The following ZEB2 variants were observed in gnomAD, a reference collection of about 807,000 sequenced individuals.
The protein encoded by ZEB2 is zinc finger E-box-binding homeobox 2.
Under a neutral mutation model 99.9 loss-of-function variants are expected in ZEB2, and 6 were observed. The ratio of observed to expected loss-of-function variants is 0.06; its 90% CI spans 0.03 to 0.12. ZEB2 has a LOEUF of 0.12. ZEB2 is among the 10% of genes least tolerant of loss of function. ZEB2 has a pLI of 1.00. For synonymous variants in ZEB2, 517 were observed against 542.5 expected (o/e 0.95, Z 0.65); for missense variants, 969 against 1,502.8 (o/e 0.64, Z 5.87).
chr2:144,440,530 T>A (rs1316579468), intron 2 of ZEB2, among the ~76,000 whole-genome samples: 1,230 of 52,030 alleles, frequency 0.024, 29 homozygotes, highest in African/African-American at 0.081. Flanking sequence ...TTTTTTTTTT[T>A]TTTTTTTTTT....
At chr2:144,517,888 G>T in intron 1 of ZEB2, 1 of 501,612 alleles carries the variant, frequency 2.0e-6, no homozygotes, top group Non-Finnish European at 3.5e-6. Flanking sequence ...ACAGCCCCTG[G>T]ATGAAGCACA....
chr2:144,428,697 A>C (rs1212173539), intron 3 of ZEB2: 2 of 152,076 alleles, frequency 1.3e-5, no homozygotes, highest in Non-Finnish European at 2.9e-5. Context: ...TTCGTAGTGG[A>C]AGTGCTTTTA....
At chr2:144,424,263 A>G (rs1337775247) in intron 4 of ZEB2, 5 of 438,948 alleles carry the variant, frequency 1.1e-5, no homozygotes, top group East Asian at 1.2e-4. Context: ...AACTGCCTGG[A>G]AAAAATTATT....
chr2:144,440,502 T>TAC (rs1560625095), intron 2 of ZEB2, among the ~76,000 whole-genome samples: 50 of 11,538 alleles, frequency 4.3e-3, no homozygotes, highest in African/African-American at 0.01. Context: ...TATATATATA[T>TAC]ATATATATAT....
intron 4 of ZEB2, among the ~76,000 whole-genome samples, chr2:144,414,919 A>C (rs1703517407): frequency 6.6e-6 from 1 of 151,488 alleles, no homozygotes; most frequent in Non-Finnish European, 1.5e-5. Flanking sequence ...TATGGGGGGA[A>C]GTCAGTTAAA....
chr2:144,392,806 G>C (rs1560603489), intron 9 of ZEB2, among the ~76,000 whole-genome samples: 1 of 152,148 alleles, frequency 6.6e-6, no homozygotes, highest in Non-Finnish European at 1.5e-5. Flanking sequence ...TTGATACTGA[G>C]TGAATCAAGC....
intron 7 of ZEB2, 110 bp downstream of exon 7, chr2:144,401,089 A>T (rs1703303678): frequency 3.1e-6 from 3 of 959,774 alleles, no homozygotes; most frequent in East Asian, 5.0e-5. Flanking sequence ...TGAAATAAAT[A>T]GATAGTTCCA....
intron 4 of ZEB2, among the ~76,000 whole-genome samples, chr2:144,413,567 A>G (rs190653296): frequency 3.3e-5 from 5 of 152,312 alleles, no homozygotes; most frequent in Admixed American, 2.0e-4. Context: ...AACTCAATGT[A>G]TGAAGTTAAC....
chr2:144,507,407 C>T (rs1263114780), intron 2 of ZEB2: 3 of 152,196 alleles, frequency 2.0e-5, no homozygotes, highest in Admixed American at 6.5e-5. Context: ...AGCTCCGTAT[C>T]GTCTTCTAGT....
chr2:144,399,551 C>T lies in ZEB2; in HGVS notation c.1636G>A (p.Asp546Asn), dbSNP rs754823896. 1.2e-6 allele frequency: 2 copies of T among 1,614,156 alleles called. No individual in the cohort carries two copies. The highest frequency in any genetic ancestry group is 1.7e-6 in the Non-Finnish European group (2 of 1,180,032). Residue 546 changes from aspartate (D) to asparagine (N), a missense_variant, in exon 8 of 10, where the codon GAC becomes AAC. Around this residue, in one of 8 missense-constraint regions of ZEB2, gnomAD observed 227 missense variants for 278.2 expected, o/e 0.82. Transcript: ENST00000627532. The surrounding 1 kb of genome is among the most constrained non-coding windows in gnomAD (Gnocchi z 5.6). The stretch of plus-strand genomic sequence containing the variant: ...ATATTACTGATCTGTCTCCTTGAGT[C>T]AGTAGTCAAGCTCTGGAGGCAAGCT... Reference protein sequence around the residue: ...AKACLQSLTTDSRRQISNIKK... With the variant: ...AKACLQSLTTNSRRQISNIKK...
chr2:144,477,592 T>G (rs527267102), intron 2 of ZEB2, among the ~76,000 whole-genome samples: 22 of 152,356 alleles, frequency 1.4e-4, no homozygotes, highest in Non-Finnish European at 2.4e-4. Context: ...ACCCTCTTTT[T>G]GTGTGTGTGG....
intron 2 of ZEB2, 44 bp from the exon 3 acceptor site, chr2:144,430,070 G>A: frequency 6.2e-7 from 1 of 1,607,424 alleles, no homozygotes. Context: ...ACTCTGTTGA[G>A]AAACATCAGC....
intron 2 of ZEB2, among the ~76,000 whole-genome samples, chr2:144,471,792 T>G (rs78569767): frequency 6.8e-5 from 8 of 118,360 alleles, no homozygotes; most frequent in Admixed American, 4.8e-4. Flanking sequence ...ATCACTTGTG[T>G]TTTTTTTTTT....
chr2:144,400,787 A>G (rs1022646623), intron 7 of ZEB2, among the ~76,000 whole-genome samples: 2 of 152,230 alleles, frequency 1.3e-5, no homozygotes, highest in Admixed American at 6.5e-5. Flanking sequence ...GCCCTCAGGA[A>G]TCAGGGAGTA....
At chr2:144,405,048 ATGT>A (rs762958122) in intron 4 of ZEB2, 24 bp from the exon 5 acceptor site, 11 of 1,610,000 alleles carry the variant, frequency 6.8e-6, no homozygotes, top group Non-Finnish European at 9.3e-6. Flanking sequence ...AGGAGAAGAA[ATGT>A]TGTTTCCGGG....
At chr2:144,500,388 T>C (rs1321570123) in intron 2 of ZEB2, among the ~76,000 whole-genome samples, 1 of 152,250 alleles carries the variant, frequency 6.6e-6, no homozygotes, top group Non-Finnish European at 1.5e-5. Context: ...ACAGTAACTG[T>C]ACAATTTTTT....
At chr2:144,419,944 T>C (rs1703597850) in intron 4 of ZEB2, among the ~76,000 whole-genome samples, 1 of 152,230 alleles carries the variant, frequency 6.6e-6, no homozygotes, top group Non-Finnish European at 1.5e-5. Flanking sequence ...AGGCTATTCT[T>C]CTTTGCCTTT....
chr2:144,460,461 T>G (rs1704177085), intron 2 of ZEB2, among the ~76,000 whole-genome samples: 1 of 152,136 alleles, frequency 6.6e-6, no homozygotes, highest in Admixed American at 6.6e-5. Flanking sequence ...GGAGAACTTT[T>G]TTGTTTAAAG....
chr2:144,414,887 C>T (rs1012561563), intron 4 of ZEB2, among the ~76,000 whole-genome samples: 66 of 151,832 alleles, frequency 4.3e-4, no homozygotes, highest in African/African-American at 9.4e-4. Context: ...TAAATAGCAA[C>T]ATTATTACAC....
Sources: allele counts gnomAD v4.1 joint callset (sites outside exome capture counted in the v4.1 genomes callset), GRCh38; gene constraint gnomAD v4.1.1; regional missense constraint gnomAD v4.1.1; non-coding constraint Gnocchi (gnomAD v3.1); transcripts MANE v1.5; gene names NCBI Gene and HGNC (gene_info 2026-07-23, HGNC 2026-07-21).